The following IL1RN variants were observed in gnomAD, a reference collection of about 807,000 sequenced individuals.
The protein encoded by IL1RN is interleukin 1 receptor antagonist.
Under a neutral mutation model 13.7 loss-of-function variants are expected in IL1RN, and 10 were observed. That is an observed-to-expected ratio of 0.73 (90% CI 0.45 to 1.24). The LOEUF (loss-of-function observed/expected upper bound fraction) is 1.24. Ranked by LOEUF, IL1RN falls within the 50% of genes most tolerant of loss-of-function variation. The pLI, the probability that IL1RN is intolerant of heterozygous loss-of-function variation, is 0.00. For synonymous variants in IL1RN, 102 were observed against 82.7 expected (o/e 1.23, Z -1.27); for missense variants, 213 against 222.1 (o/e 0.96, Z 0.26).
chr2:113,106,090 G>T (rs1354653150), upstream of IL1RN, among the ~76,000 whole-genome samples: 9 of 152,146 alleles, frequency 5.9e-5, no homozygotes, highest in Admixed American at 2.0e-4. Flanking sequence ...ATTGATGAAA[G>T]TTAAGCATTT....
At chr2:113,111,333 A>G (rs1274578735) in intron 1 of IL1RN, 6 of 152,220 alleles carry the variant, frequency 3.9e-5, no homozygotes, top group African/African-American at 7.2e-5. Flanking sequence ...TCCTGACTAC[A>G]TATCTAGTGT....
intron 2 of IL1RN, chr2:113,130,072 T>C: frequency 4.2e-6 from 1 of 239,900 alleles, no homozygotes; most frequent in Non-Finnish European, 8.5e-6. Context: ...CTGGACACCA[T>C]ACTCAGCCAT....
At chr2:113,124,105 A>G (rs187832864), upstream of IL1RN, among the ~76,000 whole-genome samples, 128 of 152,300 alleles carry the variant, frequency 8.4e-4, no homozygotes, top group South Asian at 2.9e-3. Flanking sequence ...TCTAGTGTCT[A>G]GTAGCACAGG....
upstream of IL1RN, among the ~76,000 whole-genome samples, chr2:113,114,502 G>C (rs1686555706): frequency 6.6e-6 from 1 of 152,132 alleles, no homozygotes; most frequent in Admixed American, 6.6e-5. Context: ...GATGGAGGTA[G>C]CTCCCAGAAA....
chr2:113,132,971 C>A lies in IL1RN; in HGVS notation c.*100C>A. 2 of 1,158,928 alleles carry A rather than the reference C, an allele frequency of 1.7e-6. No homozygotes were observed. Among genetic ancestry groups the A allele is most frequent in the Non-Finnish European group, 2.6e-6 (2 of 773,060 alleles). 71.8% of individuals were successfully genotyped at this position (1,158,928 alleles called of 1,614,324 possible). ...CTCCCGGCTATGGGGGCACTGAGGACCAGCCATTGAGGGGTGGACCCTCAG... is the reference window on the plus strand; with the variant it reads ...CTCCCGGCTATGGGGGCACTGAGGAACAGCCATTGAGGGGTGGACCCTCAG... On this transcript the variant is annotated 3_prime_UTR_variant, in exon 4 of 4. Transcript: ENST00000409930.
upstream of IL1RN, among the ~76,000 whole-genome samples, chr2:113,109,704 A>T (rs572486210): frequency 3.3e-5 from 5 of 152,012 alleles, no homozygotes; most frequent in East Asian, 9.7e-4. Context: ...AAGGCACAAC[A>T]TAGTGATGAA....
upstream of IL1RN, among the ~76,000 whole-genome samples, chr2:113,106,432 G>T (rs1385932533): frequency 2.0e-5 from 3 of 152,162 alleles, no homozygotes; most frequent in African/African-American, 7.2e-5. Flanking sequence ...TAAATGGGTT[G>T]ATAGATCCCC....
exon 1 of IL1RN, chr2:113,118,002 C>T (rs746693859): frequency 2.0e-6 from 3 of 1,477,754 alleles, no homozygotes; most frequent in Non-Finnish European, 1.9e-6. Flanking sequence ...GACCTCCTGT[C>T]CTATGAGGCC....
intron 2 of IL1RN, 28 bp downstream of exon 2, chr2:113,129,692 A>G (rs1687092161): frequency 6.9e-7 from 1 of 1,446,182 alleles, no homozygotes. Flanking sequence ...AAGCCAATGT[A>G]TGTGGGCATC....
At chr2:113,121,293 G>A (rs1408736841) in intron 2 of IL1RN, among the ~76,000 whole-genome samples, 2 of 152,086 alleles carry the variant, frequency 1.3e-5, no homozygotes, top group Non-Finnish European at 2.9e-5. Context: ...TTTGAAAGTG[G>A]GTGTCAATAT....
At chr2:113,127,864 TC>T in intron 1 of IL1RN, 124 bp downstream of exon 1, 2 of 890,052 alleles carry the variant, frequency 2.2e-6, no homozygotes, top group Non-Finnish European at 3.6e-6. Flanking sequence ...GGAGAGGATG[TC>T]CATTATTCAA....
intron 1 of IL1RN, chr2:113,118,171 G>A (rs772403467): frequency 7.5e-6 from 10 of 1,333,280 alleles, no homozygotes; most frequent in Non-Finnish European, 1.1e-5. Context: ...GCCTGTCTGG[G>A]GGATCTGGGC....
upstream of IL1RN, among the ~76,000 whole-genome samples, chr2:113,116,300 A>T (rs1417466565): frequency 1.3e-5 from 2 of 152,212 alleles, no homozygotes; most frequent in East Asian, 1.9e-4. Flanking sequence ...CAAAGTTGAC[A>T]TTTACGAAGT....
At chr2:113,117,811 C>T (rs1573283912), upstream of IL1RN, 2 of 638,570 alleles carry the variant, frequency 3.1e-6, no homozygotes, top group South Asian at 3.7e-5. Flanking sequence ...GGCCCATCTC[C>T]TCATGCTGGC....
Position 113,129,625 on chromosome 2 carries a change from G to C in IL1RN, c.166G>C (p.Val56Leu), listed in dbSNP as rs557348234. Residue 56 changes from valine to leucine, a missense_variant, in exon 2 of 4, where the codon GTT becomes CTT. By Grantham distance (32) the Val-to-Leu change is conservative. Transcript: ENST00000409930. ...KTFYLRNNQL[V>L]AGYLQGPNVN... The stretch of plus-strand genomic sequence containing the variant: ...CTTCTATCTGAGGAACAACCAACTA[G>C]TTGCTGGATACTTGCAAGGACCAAA... 6.2e-7 allele frequency: 1 copy of C among 1,613,444 alleles called. No individual in the cohort carries two copies. The highest frequency in any genetic ancestry group is 8.5e-7 in the Non-Finnish European group (1 of 1,179,436).
upstream of IL1RN, among the ~76,000 whole-genome samples, chr2:113,123,385 G>A (rs1686846803): frequency 6.6e-6 from 1 of 152,180 alleles, no homozygotes; most frequent in Admixed American, 6.5e-5. Flanking sequence ...GAGCATTCAT[G>A]GAACTTGGTG....
intron 2 of IL1RN, chr2:113,120,183 A>G: frequency 1.7e-6 from 2 of 1,175,808 alleles, no homozygotes; most frequent in South Asian, 2.4e-5. Flanking sequence ...CTAGATATGA[A>G]CAACATCTTG....
chr2:113,120,012 C>T (rs1368538774), intron 1 of IL1RN: 2 of 1,399,204 alleles, frequency 1.4e-6, no homozygotes, highest in South Asian at 1.2e-5. Context: ...TCATTCATTT[C>T]TCTGGACCTC....
At chr2:113,114,661 C>T (rs6723639), upstream of IL1RN, among the ~76,000 whole-genome samples, 29,112 of 151,328 alleles carry the variant, frequency 0.19, 2,917 homozygotes, top group East Asian at 0.29. Flanking sequence ...GTGTGTGTGT[C>T]TGTGTTTGTG....
Sources: gnomAD v4.1 joint callset for allele counts (sites outside exome capture counted in the v4.1 genomes callset) on GRCh38, gnomAD v4.1.1 for gene constraint, MANE v1.5 for transcripts, NCBI Gene and HGNC (gene_info 2026-07-23, HGNC 2026-07-21) for gene names.